OTOGL: variants seen among roughly 807,000 people sequenced by gnomAD.
OTOGL encodes otogelin like.
Under a neutral mutation model 318.5 loss-of-function variants are expected in OTOGL, and 285 were observed. That is an observed-to-expected ratio of 0.89 (90% CI 0.81 to 0.99). The LOEUF (loss-of-function observed/expected upper bound fraction) is 0.99. Ranked by LOEUF, OTOGL falls within the 50% of genes least tolerant of loss-of-function variation. The pLI is 0.00. For synonymous variants in OTOGL, 987 were observed against 936.5 expected, an observed-to-expected ratio of 1.05 and a Z score of -0.99; for missense variants, 2,899 against 2,845.6, an observed-to-expected ratio of 1.02 and a Z score of -0.43.
chr12:80,168,772 T>C (rs376590387), intron 1 of OTOGL, among the ~76,000 whole-genome samples: 10 of 152,202 alleles, frequency 6.6e-5, no homozygotes, highest in African/African-American at 2.4e-4. Flanking sequence ...TTATGATATC[T>C]TCTTTCAGGG....
intron 56 of OTOGL, among the ~76,000 whole-genome samples, chr12:80,371,529 T>A (rs1240505662): frequency 6.6e-6 from 1 of 152,146 alleles, no homozygotes; most frequent in Non-Finnish European, 1.5e-5. Flanking sequence ...AAGCAATTAG[T>A]AATTCTTGTA....
Position 80,310,683 on chromosome 12 carries a change from T to C in OTOGL, c.3406T>C (p.Cys1136Arg). The stretch of plus-strand genomic sequence containing the variant: ...CAAATTTCCTTATGCCAAGAAAGAA[T>C]GCTCCATTTTGTACAGTGATATTTT... ...QNKFPYAKKE[C>R]SILYSDIFAS... Residue 1136 changes from cysteine (C) to arginine (R), a missense_variant, in exon 30 of 59, where the codon TGC (cysteine) becomes CGC (arginine). Coordinates refer to ENST00000547103, the MANE Select transcript of OTOGL (RefSeq NM_001378609.3). 8 of 1,594,142 alleles carry C rather than the reference T, an allele frequency of 5.0e-6. No homozygotes were observed. Among genetic ancestry groups the C allele is most frequent in the Non-Finnish European group, 6.8e-6 (8 of 1,174,930 alleles).
At position 80,334,237 on chromosome 12, in the gene OTOGL, A is replaced by C. The variant is rs181700747; in HGVS notation, c.4422+1159A>C. 3.8e-3 allele frequency among the ~76,000 whole-genome samples: 583 copies of C among 152,280 alleles called. 2 individuals are homozygous for C. Among genetic ancestry groups the C allele is most frequent in the Non-Finnish European group, 5.6e-3 (379 of 68,000 alleles). ...GATATATTTTGAAGGTAGAAAGATT[A>C]CATGTGAAGTGTGAGTAAAAGGGAA... On this transcript the variant is annotated intron_variant, in intron 38 of 58. Coordinates refer to ENST00000547103, the MANE Select transcript of OTOGL (RefSeq NM_001378609.3).
At position 80,108,773 on chromosome 12, in the gene OTOGL, A is replaced by G. The variant is rs945244965; in HGVS notation, c.-20+9168A>G. On this transcript the variant is annotated intron_variant, in intron 1 of 58. Coordinates refer to ENST00000547103, the MANE Select transcript of OTOGL (RefSeq NM_001378609.3). Reference sequence around the variant, plus strand: ...TAAAAAAATATATATATATACACGTATATATATATATATGTATATATATAT... The same window carrying G: ...TAAAAAAATATATATATATACACGTGTATATATATATATGTATATATATAT... Among the ~76,000 whole-genome samples the G allele has an allele frequency of 1.4e-3, 39 of 28,584 alleles. 1 individual carries two copies. The East Asian group carries it at 0.029, about 21-fold the overall frequency. 18.8% of individuals were successfully genotyped at this position (28,584 alleles called of 152,430 possible). A position where few individuals can be genotyped will look rare whatever the true frequency, so the allele number is the denominator to read the frequency against.
intron 11 of OTOGL, among the ~76,000 whole-genome samples, chr12:80,249,709 G>T (rs186655551): frequency 6.6e-6 from 1 of 152,212 alleles, no homozygotes. Flanking sequence ...CGAGCTTCCC[G>T]GCTGCTTTGT....
intron 1 of OTOGL, among the ~76,000 whole-genome samples, chr12:80,113,663 G>A (rs2137084521): frequency 1.3e-5 from 2 of 152,242 alleles, no homozygotes; most frequent in Admixed American, 1.3e-4. Flanking sequence ...GTCCAGAGCT[G>A]AGTTCAAGTC....
intron 1 of OTOGL, chr12:80,132,631 AT>A (rs1871310240): frequency 1.4e-5 from 2 of 143,682 alleles, no homozygotes; most frequent in African/African-American, 6.0e-5. Context: ...TAAACTATTA[AT>A]TATGATTATA....
chr12:80,150,044 G>T (rs112445686), intron 1 of OTOGL, among the ~76,000 whole-genome samples: 1 of 152,060 alleles, frequency 6.6e-6, no homozygotes, highest in African/African-American at 2.4e-5. Context: ...GCTGTAGACC[G>T]GAGCTGTTCC....
chr12:80,114,854 T>C (rs1870066192), intron 1 of OTOGL, among the ~76,000 whole-genome samples: 1 of 151,854 alleles, frequency 6.6e-6, no homozygotes, highest in Non-Finnish European at 1.5e-5. Flanking sequence ...TACACTTTAT[T>C]TCATTAAGTT....
At position 80,305,646 on chromosome 12, in the gene OTOGL, T is replaced by C. The variant is rs1886057181; in HGVS notation, c.3284T>C (p.Leu1095Ser). 1 of 1,583,860 alleles carries C rather than the reference T, an allele frequency of 6.3e-7. No individual in the cohort carries two copies. The highest frequency in any genetic ancestry group is 1.8e-5 in the Admixed American group (1 of 56,510). The stretch of plus-strand genomic sequence containing the variant: ...AATGATATGACCACATCTAATAACT[T>C]GGAAGTGAGAAATGCTCGGGTATTT... ...TSNDMTTSNN[L>S]EVRNARVFGD... Residue 1095 changes from leucine to serine, a missense_variant, in exon 29 of 59, where the codon TTG (leucine) becomes TCG (serine). By Grantham distance (145) the Leu-to-Ser change is moderately radical. This residue lies in a region of OTOGL where 2,607 missense variants were observed against 2,524.9 expected (regional missense o/e 1.03). Coordinates refer to ENST00000547103, the MANE Select transcript of OTOGL (RefSeq NM_001378609.3).
At chr12:80,289,659 C>T (rs1462577551) in intron 26 of OTOGL, among the ~76,000 whole-genome samples, 3 of 152,202 alleles carry the variant, frequency 2.0e-5, no homozygotes, top group Non-Finnish European at 4.4e-5. Context: ...ATGTGTTCCG[C>T]CCAGTCCAAA....
At chr12:80,227,087 T>C (rs1235034663) in intron 7 of OTOGL, among the ~76,000 whole-genome samples, 2 of 152,148 alleles carry the variant, frequency 1.3e-5, no homozygotes, top group Non-Finnish European at 2.9e-5. Context: ...GGAGCTAATA[T>C]ATTGGAGCTC....
chr12:80,121,672 C>T (rs967933768), intron 1 of OTOGL, among the ~76,000 whole-genome samples: 1 of 152,198 alleles, frequency 6.6e-6, no homozygotes, highest in African/African-American at 2.4e-5. Context: ...TAAAACACTT[C>T]TCTTCGTATC....
chr12:80,338,098 G>T (rs1201218607), intron 42 of OTOGL, among the ~76,000 whole-genome samples: 2 of 152,032 alleles, frequency 1.3e-5, no homozygotes, highest in Admixed American at 1.3e-4. Flanking sequence ...AGTTTAACAT[G>T]ATAAAACAAC....
intron 1 of OTOGL, among the ~76,000 whole-genome samples, chr12:80,112,607 G>T (rs1376972311): frequency 6.6e-6 from 1 of 152,044 alleles, no homozygotes; most frequent in Non-Finnish European, 1.5e-5. Context: ...CTTTATTGTG[G>T]TGGATAAGCT....
chr12:80,156,507 T>G (rs1039258258), intron 1 of OTOGL, among the ~76,000 whole-genome samples: 7 of 152,250 alleles, frequency 4.6e-5, no homozygotes, highest in Admixed American at 1.3e-4. Flanking sequence ...TTTGGCTGCG[T>G]CCCCCATACA....
Position 80,232,886 on chromosome 12 carries a change from T to C in OTOGL, c.612-6T>C. The C allele has an allele frequency of 2.5e-6, 4 of 1,591,180 alleles. No individual in the cohort carries two copies. Among genetic ancestry groups the C allele is most frequent in the Non-Finnish European group, 3.4e-6 (4 of 1,172,792 alleles). ...TTCTTAGATAGCTTTTGTTCTGTTT[T>C]TCAAGTTTAACATTGCCTCAGACAA... On this transcript the variant is annotated splice_region_variant and splice_polypyrimidine_tract_variant and intron_variant, in intron 8 of 58. Transcript: ENST00000547103.
At chr12:80,140,870 T>C (rs1281140594) in intron 1 of OTOGL, among the ~76,000 whole-genome samples, 1 of 152,170 alleles carries the variant, frequency 6.6e-6, no homozygotes, top group Non-Finnish European at 1.5e-5. Flanking sequence ...CGGACATCAG[T>C]AATTTTTAGT....
At position 80,149,015 on chromosome 12, in the gene OTOGL, C is replaced by G. The variant is rs1300395799; in HGVS notation, c.-20+49410C>G. ...TTGGTTTGAATGTCCTCCTGTAGCTCAGAGTAATTTGATCGTCTGAAGCCT... is the reference window on the plus strand; with the variant it reads ...TTGGTTTGAATGTCCTCCTGTAGCTGAGAGTAATTTGATCGTCTGAAGCCT... On this transcript the variant is annotated intron_variant, in intron 1 of 58. Transcript: ENST00000547103. Among the ~76,000 whole-genome samples the G allele has an allele frequency of 3.3e-5, 5 of 152,270 alleles. No homozygotes were observed. In the East Asian group the frequency reaches 9.7e-4, roughly 29 times the overall value.
Sources: gnomAD v4.1 joint callset for allele counts (sites outside exome capture counted in the v4.1 genomes callset) on GRCh38, gnomAD v4.1.1 for gene constraint, gnomAD v4.1.1 regional missense constraint, MANE v1.5 for transcripts, NCBI Gene and HGNC (gene_info 2026-07-23, HGNC 2026-07-21) for gene names.